The following DLG2 variants were observed in gnomAD, a reference collection of about 807,000 sequenced individuals.
DLG2 encodes the protein disks large homolog 2.
A neutral mutation model predicts 132.5 loss-of-function variants in DLG2; 45 were observed. The observed-to-expected ratio is 0.34, with a 90% CI of 0.27 to 0.44. The LOEUF is 0.44. Among genes scored for constraint, DLG2 ranks in the 20% least tolerant of loss-of-function variants. DLG2 has a pLI of 1.00. For missense variants in DLG2, 1,045 were observed against 1,196.9 expected, an observed-to-expected ratio of 0.87 and a Z score of 1.87; for synonymous variants, 424 against 419.6, an observed-to-expected ratio of 1.01 and a Z score of -0.13.
chr11:83,946,111 G>A (rs1396482660), intron 14 of DLG2, among the ~76,000 whole-genome samples: 6 of 150,116 alleles, frequency 4.0e-5, no homozygotes, highest in Non-Finnish European at 7.4e-5. Flanking sequence ...TGCCTCAGCC[G>A]CCGGAGTGGC....
intron 19 of DLG2, among the ~76,000 whole-genome samples, chr11:83,622,764 AAAGTATGG>A (rs1204889624): frequency 6.6e-6 from 1 of 152,186 alleles, no homozygotes; most frequent in Non-Finnish European, 1.5e-5. Context: ...CTGTGGTCTG[AAAGTATGG>A]TTGGTAAGAT....
At chr11:85,372,462 T>C (rs1168302040) in intron 3 of DLG2, among the ~76,000 whole-genome samples, 1 of 152,160 alleles carries the variant, frequency 6.6e-6, no homozygotes, top group Non-Finnish European at 1.5e-5. Flanking sequence ...CAGACTCAAT[T>C]CCAAGCTTCG....
At chr11:84,720,518 G>A in intron 6 of DLG2, 2 of 983,118 alleles carry the variant, frequency 2.0e-6, no homozygotes, top group African/African-American at 1.7e-5. Flanking sequence ...CACCCGCCGT[G>A]GCCATCCCGG....
At chr11:84,235,688 C>T (rs568183655) in intron 8 of DLG2, among the ~76,000 whole-genome samples, 1 of 152,244 alleles carries the variant, frequency 6.6e-6, no homozygotes, top group South Asian at 2.1e-4. Flanking sequence ...CAACACTGTG[C>T]TGGACCTTAG....
chr11:85,113,842 A>G (rs551169581), intron 5 of DLG2, among the ~76,000 whole-genome samples: 1 of 152,082 alleles, frequency 6.6e-6, no homozygotes, highest in South Asian at 2.1e-4. Context: ...ATTTGGTTTT[A>G]TCTACCAAAG....
At chr11:84,289,569 G>A (rs1206167226) in intron 7 of DLG2, among the ~76,000 whole-genome samples, 1 of 151,964 alleles carries the variant, frequency 6.6e-6, no homozygotes. Context: ...AGAGTTAGAA[G>A]CAAGTTCTTC....
At chr11:83,833,800 G>A in intron 16 of DLG2, 30 bp from the exon 17 acceptor site, 1 of 1,604,466 alleles carries the variant, frequency 6.2e-7, no homozygotes, top group Non-Finnish European at 8.5e-7. Context: ...ACACAGCTCA[G>A]AGGGTGATCC....
chr11:84,502,582 G>C (rs573771628), intron 7 of DLG2, among the ~76,000 whole-genome samples: 60 of 151,166 alleles, frequency 4.0e-4, no homozygotes, highest in Non-Finnish European at 6.2e-4. Context: ...TTTTTTAGTA[G>C]AGATGGTGTT....
intron 6 of DLG2, among the ~76,000 whole-genome samples, chr11:84,650,680 A>C (rs768522840): frequency 3.9e-5 from 6 of 151,930 alleles, no homozygotes; most frequent in Non-Finnish European, 5.9e-5. Context: ...CTCTCATTAA[A>C]TTGCTATTCA....
At chr11:83,462,542 T>C (rs1281103969) in intron 26 of DLG2, among the ~76,000 whole-genome samples, 2 of 152,156 alleles carry the variant, frequency 1.3e-5, no homozygotes, top group East Asian at 1.9e-4. Context: ...GAGTTTGTTC[T>C]AGTGTATCTC....
rs562659122 is a variant in DLG2, at chr11:85,025,157, C to T, written c.357+86504G>A. On this transcript the variant is annotated intron_variant, in intron 6 of 27. Transcript: ENST00000376104. ...TGTAGATAAATTTTCCATTGTATCT[C>T]GCAAGAACACAGATACATACACTCA... Among the ~76,000 whole-genome samples, 17 of 152,224 alleles carry T rather than the reference C, an allele frequency of 1.1e-4. No individual in the cohort carries two copies. In the East Asian group the frequency reaches 2.3e-3, roughly 21 times the overall value.
chr11:84,213,823 AAAAAAAAAAAAAAGAAAAAAAAAAAGG>A (rs2096791708), intron 8 of DLG2, among the ~76,000 whole-genome samples: 1 of 149,376 alleles, frequency 6.7e-6, no homozygotes, highest in Admixed American at 6.6e-5. Flanking sequence ...CGTCTCAAAA[AAAAAAAAAAAAAAGAAAAAAAAAAAGG>A]ATGTAAGATC....
At chr11:85,354,745 T>TCACA (rs139924079) in intron 3 of DLG2, among the ~76,000 whole-genome samples, 74 of 149,312 alleles carry the variant, frequency 5.0e-4, no homozygotes, top group African/African-American at 1.6e-3. Context: ...TCTCTCTCTC[T>TCACA]CACACACACA....
At chr11:83,790,647 G>A (rs1483220515) in intron 17 of DLG2, 25 of 1,142,302 alleles carry the variant, frequency 2.2e-5, no homozygotes, top group Non-Finnish European at 3.3e-5. Flanking sequence ...TAGCAATGGT[G>A]AGAGTGGAGG....
chr11:85,324,744 G>T (rs901718745), intron 3 of DLG2, among the ~76,000 whole-genome samples: 1 of 145,418 alleles, frequency 6.9e-6, no homozygotes, highest in African/African-American at 2.5e-5. Flanking sequence ...GCTTAAAGAA[G>T]AAAAAGAAGT....
intron 6 of DLG2, among the ~76,000 whole-genome samples, chr11:84,535,882 G>C (rs1046338068): frequency 2.0e-5 from 3 of 151,686 alleles, no homozygotes; most frequent in South Asian, 2.1e-4. Context: ...ACCATCACAG[G>C]CTTAATTGTG....
At chr11:83,633,454 A>G (rs2063933848) in intron 18 of DLG2, 129 bp from the exon 19 acceptor site, 1 of 692,460 alleles carries the variant, frequency 1.4e-6, no homozygotes, top group Admixed American at 2.1e-5. Flanking sequence ...TGTGCAACTC[A>G]AGGGTATGCC....
intron 3 of DLG2, among the ~76,000 whole-genome samples, chr11:85,361,553 T>G (rs1330692139): frequency 6.6e-6 from 1 of 152,230 alleles, no homozygotes; most frequent in Non-Finnish European, 1.5e-5. Flanking sequence ...TGAATACATG[T>G]GATATTTGAC....
chr11:83,693,733 G>A (rs978714856), intron 18 of DLG2: 6 of 152,166 alleles, frequency 3.9e-5, no homozygotes, highest in African/African-American at 1.4e-4. Context: ...CTCTTTCAGA[G>A]GGTTTGCTGT....
Sources: allele counts gnomAD v4.1 joint callset (sites outside exome capture counted in the v4.1 genomes callset), GRCh38; gene constraint gnomAD v4.1.1; transcripts MANE v1.5; gene names NCBI Gene and HGNC (gene_info 2026-07-23, HGNC 2026-07-21).